Variants in XRCC1 observed in about 807,000 individuals in gnomAD.
The protein encoded by XRCC1 is X-ray repair cross complementing 1.
A neutral mutation model predicts 83.3 loss-of-function variants in XRCC1; 52 were observed. That is an observed-to-expected ratio of 0.62 (90% CI 0.50 to 0.79). XRCC1 has a LOEUF of 0.79. XRCC1 is among the 30% of genes least tolerant of loss of function. The probability of loss-of-function intolerance (pLI) is 0.00; values close to 1 mark genes in which losing one functional copy is unlikely to be tolerated. For synonymous variants in XRCC1, 281 were observed against 312.6 expected (o/e 0.90, Z 1.07); for missense variants, 793 against 823.5 (o/e 0.96, Z 0.45).
At chr19:43,545,454 C>A (rs1972498671) in intron 14 of XRCC1, among the ~76,000 whole-genome samples, 1 of 152,222 alleles carries the variant, frequency 6.6e-6, no homozygotes, top group Admixed American at 6.5e-5. Context: ...CCCCTGTCAC[C>A]TGGTGTGCCC....
chr19:43,564,954 G>A (rs1052315446), intron 2 of XRCC1, among the ~76,000 whole-genome samples: 1 of 152,110 alleles, frequency 6.6e-6, no homozygotes, highest in African/African-American at 2.4e-5. Context: ...GGCTTCTCGA[G>A]GCCACCTGCC....
chr19:43,543,742 TCCTA>T, intron 15 of XRCC1, 55 bp from the exon 16 acceptor site: 1 of 1,541,788 alleles, frequency 6.5e-7, no homozygotes, highest in Non-Finnish European at 8.9e-7. Flanking sequence ...AGCACTGACG[TCCTA>T]CTCCCCAGCC....
chr19:43,570,790 A>G (rs1485100121), intron 2 of XRCC1, among the ~76,000 whole-genome samples: 1 of 152,228 alleles, frequency 6.6e-6, no homozygotes, highest in Admixed American at 6.5e-5. Context: ...GTCTCAAAAC[A>G]TAACATAACA....
chr19:43,560,289 G>A (rs1286257862), intron 3 of XRCC1, among the ~76,000 whole-genome samples: 2 of 151,878 alleles, frequency 1.3e-5, no homozygotes, highest in East Asian at 3.9e-4. Flanking sequence ...CCAGCAACTC[G>A]GGAGGCTGAG....
At chr19:43,550,987 T>C (rs1433487703) in intron 10 of XRCC1, among the ~76,000 whole-genome samples, 3 of 151,238 alleles carry the variant, frequency 2.0e-5, no homozygotes, top group Middle Eastern at 3.2e-3. Flanking sequence ...GTTTTTGGGT[T>C]TTTTTTTTCT....
intron 2 of XRCC1, among the ~76,000 whole-genome samples, chr19:43,564,403 G>A (rs1048863553): frequency 6.6e-5 from 10 of 152,124 alleles, no homozygotes; most frequent in African/African-American, 2.4e-4. Context: ...GATCATCATG[G>A]CTAACATTTT....
intron 6 of XRCC1, 120 bp downstream of exon 6, chr19:43,553,281 A>G (rs1207593231): frequency 1.6e-6 from 2 of 1,238,910 alleles, no homozygotes; most frequent in Non-Finnish European, 2.3e-6. Flanking sequence ...CCAGGAGTCC[A>G]GGACTCCACT....
rs3213326 is a variant in XRCC1, at chr19:43,559,882, C to T, written c.255+1028G>A. Among the ~76,000 whole-genome samples, 43 of 151,478 alleles carry T rather than the reference C, an allele frequency of 2.8e-4. No individual in the cohort carries two copies. The East Asian group carries it at 8.2e-3, about 29-fold the overall frequency. ...ATCACTTGAGCCCAGGAGTTTGAGA[C>T]CAGCCTGGGCAACACAGTGAAACCC... is the stretch of plus-strand genomic sequence containing the variant. On this transcript the variant is annotated intron_variant, in intron 3 of 16. Transcript: ENST00000262887.
intron 3 of XRCC1, among the ~76,000 whole-genome samples, chr19:43,557,091 G>A (rs763502861): frequency 2.0e-5 from 3 of 151,786 alleles, no homozygotes; most frequent in Non-Finnish European, 2.9e-5. Context: ...GGCAAATCAC[G>A]AGGTCAGGAG....
Position 43,554,798 on chromosome 19 carries a change from G to C in XRCC1, c.262C>G (p.Leu88Val). ...GAGEQDYEVL[L>V]VTSSFMSPSE... is the part of the protein sequence containing the mutation. ...GGGGACATGAAAGATGAGGTGACCAGAAGGACCTGGGTGGGAGAAGCCACA... is the reference window on the plus strand; with the variant it reads ...GGGGACATGAAAGATGAGGTGACCACAAGGACCTGGGTGGGAGAAGCCACA... The change falls in exon 4 of 17, where the codon CTG (leucine) becomes GTG (valine). Residue 88 changes from leucine to valine, a missense_variant. Coordinates refer to ENST00000262887, the MANE Select transcript of XRCC1 (RefSeq NM_006297.3). 1 of 1,611,226 alleles carries C rather than the reference G, an allele frequency of 6.2e-7. No individual in the cohort carries two copies. The highest frequency in any genetic ancestry group is 8.5e-7 in the Non-Finnish European group (1 of 1,177,874).
At chr19:43,562,956 G>T (rs577069600) in intron 2 of XRCC1, among the ~76,000 whole-genome samples, 1 of 152,372 alleles carries the variant, frequency 6.6e-6, no homozygotes, top group East Asian at 1.9e-4. Flanking sequence ...GGCAGGAAGT[G>T]GTTATGTAAC....
chr19:43,546,096 G>A lies in XRCC1; in HGVS notation c.1437C>T (p.Asp479=), dbSNP rs1051676442. 6.2e-7 allele frequency: 1 copy of A among 1,613,484 alleles called. No individual in the cohort carries two copies. The highest frequency in any genetic ancestry group is 1.3e-5 in the African/African-American group (1 of 74,816). Residue 479 remains aspartate, a synonymous_variant, in exon 13 of 17, where the codon GAC becomes GAT. Transcript: ENST00000262887. ...TGTCCCCAGAATCTTCCGCCCCATT[G>A]TCCTGTCCTTCTGCAAGTAGAAGCT... The part of the protein sequence containing the change: ...DIEGVQSEGQ[D]NGAEDSGDTE...
chr19:43,553,676 G>C lies in XRCC1; in HGVS notation c.422C>G (p.Pro141Arg), dbSNP rs267605526. The C allele has an allele frequency of 1.9e-6, 3 of 1,539,380 alleles. No individual in the cohort carries two copies. The highest frequency in any genetic ancestry group is 4.5e-5 in the East Asian group (2 of 44,052). ...AAACCGTACAAAACTCAAGCCAAAG[G>C]GGGAGTCCTGGGAAAGGAGGGGTGG... ...VCSQPYSKDS[P>R]FGLSFVRFHS... The change falls in exon 5 of 17, where the codon CCC becomes CGC. Residue 141 changes from proline to arginine, a missense_variant. By Grantham distance (103) the Pro-to-Arg change is moderately radical. Transcript: ENST00000262887.
chr19:43,546,254 C>A, intron 12 of XRCC1, 148 bp from the exon 13 acceptor site: 1 of 917,452 alleles, frequency 1.1e-6, no homozygotes, highest in Non-Finnish European at 1.7e-6. Context: ...GCCCCTCCTC[C>A]CTCTGATCCA....
At chr19:43,559,417 T>C (rs1299864919) in intron 3 of XRCC1, among the ~76,000 whole-genome samples, 11 of 139,858 alleles carry the variant, frequency 7.9e-5, no homozygotes, top group Non-Finnish European at 1.7e-4. Flanking sequence ...GAGGTGGAGC[T>C]TGCAGTGAGC....
At chr19:43,574,632 T>G in intron 2 of XRCC1, 1 of 412,390 alleles carries the variant, frequency 2.4e-6, no homozygotes, top group East Asian at 4.4e-5. Context: ...TACGTGGCAA[T>G]GATTCATTTT....
intron 3 of XRCC1, among the ~76,000 whole-genome samples, chr19:43,559,222 A>G (rs190174917): frequency 1.2e-3 from 183 of 151,906 alleles, no homozygotes; most frequent in South Asian, 3.5e-3. Context: ...GGTGGCTCAC[A>G]CCTGTAATCC....
intron 10 of XRCC1, among the ~76,000 whole-genome samples, chr19:43,550,672 C>A (rs745634434): frequency 2.4e-4 from 36 of 152,318 alleles, no homozygotes; most frequent in South Asian, 1.2e-3. Flanking sequence ...CCCATTTTTC[C>A]TGCCACTTCT....
At chr19:43,570,201 A>G (rs993087794) in intron 2 of XRCC1, among the ~76,000 whole-genome samples, 1 of 152,242 alleles carries the variant, frequency 6.6e-6, no homozygotes, top group Non-Finnish European at 1.5e-5. Context: ...AAAAATGACC[A>G]TAGGCCCTAT....
Sources: gnomAD v4.1 joint callset for allele counts (sites outside exome capture counted in the v4.1 genomes callset) on GRCh38, gnomAD v4.1.1 for gene constraint, MANE v1.5 for transcripts, NCBI Gene and HGNC (gene_info 2026-07-23, HGNC 2026-07-21) for gene names.